ACSS3: variants seen among roughly 807,000 people sequenced by gnomAD.
ACSS3 encodes acyl-CoA synthetase short chain family member 3, also known as acyl-CoA synthetase short-chain family member 3, mitochondrial.
In ACSS3, 64 loss-of-function variants were observed where a neutral mutation model predicts 84.2. The ratio of observed to expected loss-of-function variants is 0.76; its 90% confidence interval spans 0.62 to 0.94. The LOEUF (loss-of-function observed/expected upper bound fraction) is 0.94. ACSS3 is among the 40% of genes least tolerant of loss of function. ACSS3 has a pLI of 0.00. For missense variants in ACSS3, 815 were observed against 867.6 expected (o/e 0.94, Z 0.76); for synonymous variants, 317 against 310.1 (o/e 1.02, Z -0.23).
intron 5 of ACSS3, among the ~76,000 whole-genome samples, chr12:81,150,884 AT>A (rs35752984): frequency 1.3e-5 from 2 of 151,890 alleles, no homozygotes; most frequent in South Asian, 2.1e-4. Flanking sequence ...ATAAAAAACA[AT>A]TTTTTTTGCA....
intron 8 of ACSS3, among the ~76,000 whole-genome samples, chr12:81,178,804 T>C (rs2030689092): frequency 6.6e-6 from 1 of 152,132 alleles, no homozygotes; most frequent in Non-Finnish European, 1.5e-5. Context: ...TATTCTACAA[T>C]TCATATGGAA....
chr12:81,155,705 C>T (rs1156613386), intron 7 of ACSS3, among the ~76,000 whole-genome samples: 2 of 152,168 alleles, frequency 1.3e-5, no homozygotes, highest in Non-Finnish European at 2.9e-5. Context: ...GTATTCAGGG[C>T]TGATATTCAG....
intron 2 of ACSS3, among the ~76,000 whole-genome samples, chr12:81,126,967 A>C (rs1032018449): frequency 1.6e-4 from 24 of 151,784 alleles, no homozygotes; most frequent in Non-Finnish European, 2.9e-5. Context: ...GCGTTTTGTA[A>C]TTGTTCTTGA....
chr12:81,081,881 A>T (rs1374704100), intron 1 of ACSS3, among the ~76,000 whole-genome samples: 1 of 152,216 alleles, frequency 6.6e-6, no homozygotes, highest in Non-Finnish European at 1.5e-5. Flanking sequence ...AACATGCAGG[A>T]TCTGAATTCC....
chr12:81,125,207 T>C (rs556209183), intron 2 of ACSS3, among the ~76,000 whole-genome samples: 63 of 151,606 alleles, frequency 4.2e-4, no homozygotes, highest in South Asian at 8.3e-4. Context: ...GAGCGAGACT[T>C]CGTCTCAAAA....
At chr12:81,082,398 G>C (rs1881038164) in intron 1 of ACSS3, among the ~76,000 whole-genome samples, 1 of 152,184 alleles carries the variant, frequency 6.6e-6, no homozygotes, top group African/African-American at 2.4e-5. Context: ...ATATGATACT[G>C]TCTTCTTTAG....
intron 13 of ACSS3, among the ~76,000 whole-genome samples, chr12:81,237,007 G>A (rs1593229540): frequency 6.6e-6 from 1 of 151,346 alleles, no homozygotes; most frequent in African/African-American, 2.4e-5. Flanking sequence ...TAAAAGGGAG[G>A]GAGGCAGCCG....
At chr12:81,173,470 G>A (rs990828922) in intron 7 of ACSS3, among the ~76,000 whole-genome samples, 4 of 151,538 alleles carry the variant, frequency 2.6e-5, no homozygotes, top group African/African-American at 9.7e-5. Context: ...AAGAAAAGAG[G>A]AACATAATTA....
intron 5 of ACSS3, 38 bp downstream of exon 5, chr12:81,143,285 G>C: frequency 6.8e-7 from 1 of 1,463,302 alleles, no homozygotes; most frequent in Non-Finnish European, 9.2e-7. Context: ...TATAGCAGTA[G>C]ATTTACTTTG....
chr12:81,247,455 G>A (rs2034018578), intron 13 of ACSS3, among the ~76,000 whole-genome samples: 1 of 152,068 alleles, frequency 6.6e-6, no homozygotes, highest in South Asian at 2.1e-4. Flanking sequence ...AAAATAGGCA[G>A]TTAAAATGGA....
intron 8 of ACSS3, among the ~76,000 whole-genome samples, chr12:81,190,051 T>C (rs1220054443): frequency 6.6e-6 from 1 of 152,206 alleles, no homozygotes; most frequent in Admixed American, 6.5e-5. Context: ...ACATTACTCT[T>C]ACATTGTCTT....
chr12:81,258,030 A>C lies in ACSS3; in HGVS notation c.*3108A>C, dbSNP rs779302439. 1 of 152,122 alleles carries C rather than the reference A, an allele frequency of 6.6e-6. No individual in the cohort carries two copies. The highest frequency in any genetic ancestry group is 1.5e-5 in the Non-Finnish European group (1 of 67,998). 9.4% of individuals were successfully genotyped at this position (152,122 alleles called of 1,614,324 possible). A position where few individuals can be genotyped will look rare whatever the true frequency, so the allele number is the denominator to read the frequency against. ...TCCTATATTCTATTTCATTTCTATG[A>C]ATCAAGATGCCCATGTTTAGATGAG... On this transcript the variant is annotated 3_prime_UTR_variant, in exon 16 of 16. Coordinates refer to ENST00000548058, the MANE Select transcript of ACSS3 (RefSeq NM_024560.4).
At chr12:81,187,004 G>A (rs10746183) in intron 8 of ACSS3, among the ~76,000 whole-genome samples, 98,560 of 151,504 alleles carry the variant, frequency 0.65, 32,665 homozygotes, top group Non-Finnish European at 0.73. Context: ...GTACATATAT[G>A]CAATGGAATA....
intron 9 of ACSS3, among the ~76,000 whole-genome samples, chr12:81,206,188 C>T (rs558712743): frequency 6.6e-6 from 1 of 152,170 alleles, no homozygotes; most frequent in African/African-American, 2.4e-5. Context: ...CTGTATTTTA[C>T]TCAGTAATTT....
chr12:81,154,526 C>G (rs756428881), intron 7 of ACSS3, among the ~76,000 whole-genome samples: 12 of 152,212 alleles, frequency 7.9e-5, no homozygotes, highest in Non-Finnish European at 1.5e-4. Context: ...TTTCTCTGGT[C>G]ACAAAACCAA....
intron 1 of ACSS3, among the ~76,000 whole-genome samples, chr12:81,092,118 C>T (rs1881707191): frequency 6.6e-6 from 1 of 151,934 alleles, no homozygotes; most frequent in African/African-American, 2.4e-5. Flanking sequence ...GTTTGTTAGC[C>T]TTTTATATTT....
chr12:81,247,259 G>A (rs573296689), intron 13 of ACSS3, among the ~76,000 whole-genome samples: 9 of 151,994 alleles, frequency 5.9e-5, no homozygotes, highest in African/African-American at 1.4e-4. Context: ...CTGCATTTCC[G>A]GCAGACTCAG....
rs935637061 is a variant in ACSS3 at position 81,257,011 on chromosome 12, A to T, written c.*2089A>T. 3 of 152,040 alleles carry T rather than the reference A, an allele frequency of 2.0e-5. No individual in the cohort carries two copies. The highest frequency in any genetic ancestry group is 7.2e-5 in the African/African-American group (3 of 41,406). The allele number at this position is 152,040 out of a possible 1,614,324, so 9.4% of individuals were successfully genotyped here. ...GTGTTTCCTTATTTTTTTTCAAATA[A>T]GAGTCAGTTAATTTGAAATGGCAAA... On this transcript the variant is annotated 3_prime_UTR_variant, in exon 16 of 16. Coordinates refer to ENST00000548058, the MANE Select transcript of ACSS3 (RefSeq NM_024560.4).
At chr12:81,101,651 T>A (rs1882519782) in intron 1 of ACSS3, among the ~76,000 whole-genome samples, 1 of 152,178 alleles carries the variant, frequency 6.6e-6, no homozygotes. Context: ...TATTAATAGA[T>A]ACTGATTTTG....
Sources: allele counts gnomAD v4.1 joint callset (sites outside exome capture counted in the v4.1 genomes callset), GRCh38; gene constraint gnomAD v4.1.1; transcripts MANE v1.5; gene names NCBI Gene and HGNC (gene_info 2026-07-23, HGNC 2026-07-21).